The following DOCK1 variants were observed in gnomAD, a reference collection of about 807,000 sequenced individuals.
DOCK1 encodes the protein dedicator of cytokinesis protein 1.
In DOCK1, 138 loss-of-function variants were observed where a neutral mutation model predicts 262.7. The observed-to-expected ratio is 0.53, with a 90% CI of 0.46 to 0.61. The LOEUF is 0.61. Ranked by LOEUF, DOCK1 falls within the 20% of genes least tolerant of loss-of-function variation. The probability of loss-of-function intolerance (pLI) is 0.00; values close to 1 mark genes in which losing one functional copy is unlikely to be tolerated. For missense variants in DOCK1, 1,908 were observed against 2,370.7 expected, an observed-to-expected ratio of 0.80 and a Z score of 4.05; for synonymous variants, 866 against 867.4, an observed-to-expected ratio of 1.00 and a Z score of 0.03.
chr10:127,347,514 C>T (rs1309405971), intron 31 of DOCK1, among the ~76,000 whole-genome samples: 1 of 152,104 alleles, frequency 6.6e-6, no homozygotes, highest in Non-Finnish European at 1.5e-5. Context: ...GGGCATGGCG[C>T]CATCTACATA....
At chr10:127,289,467 TAGATTCTTTGCA>T (rs2061275738) in intron 29 of DOCK1, among the ~76,000 whole-genome samples, 1 of 152,182 alleles carries the variant, frequency 6.6e-6, no homozygotes, top group African/African-American at 2.4e-5. Flanking sequence ...GTCTTCATGA[TAGATTCTTTGCA>T]GTGGGTTGAT....
chr10:127,292,716 G>C (rs1042988948), intron 29 of DOCK1, among the ~76,000 whole-genome samples: 4 of 152,220 alleles, frequency 2.6e-5, no homozygotes, highest in African/African-American at 9.6e-5. Context: ...CTGCTTGTCA[G>C]GTATGCTGTT....
At chr10:126,934,732 A>G (rs1189675056) in intron 1 of DOCK1, among the ~76,000 whole-genome samples, 2 of 118,008 alleles carry the variant, frequency 1.7e-5, no homozygotes, top group African/African-American at 7.0e-5. Context: ...GTCACAGCCT[A>G]TTTGGAATTT....
intron 29 of DOCK1, among the ~76,000 whole-genome samples, chr10:127,292,845 G>A (rs746501219): frequency 6.6e-6 from 1 of 152,050 alleles, no homozygotes; most frequent in African/African-American, 2.4e-5. Flanking sequence ...CATTCAACCC[G>A]CCGAGAGCTG....
intron 27 of DOCK1, among the ~76,000 whole-genome samples, chr10:127,186,438 C>A (rs1341586694): frequency 6.9e-6 from 1 of 145,860 alleles, no homozygotes; most frequent in Non-Finnish European, 1.5e-5. Flanking sequence ...CTCCTTAACA[C>A]ATCCGATAGA....
intron 10 of DOCK1, chr10:127,007,688 G>A (rs1002974711): frequency 1.7e-4 from 26 of 152,240 alleles, no homozygotes; most frequent in African/African-American, 6.3e-4. Context: ...AAGGATATTA[G>A]CCTTTCTTGT....
rs75815590 is a variant in DOCK1 at position 127,322,496 on chromosome 10, A to G, written c.3045-16510A>G. The stretch of plus-strand genomic sequence containing the variant: ...GAGCCACTGCACCCAGCTGGCACAC[A>G]CATAATTTTCTAAACCAGGGGTTGA... On this transcript the variant is annotated intron_variant, in intron 29 of 51. Coordinates refer to ENST00000623213, the MANE Select transcript of DOCK1 (RefSeq NM_001290223.2). 3.1e-3 allele frequency among the ~76,000 whole-genome samples: 469 copies of G among 151,374 alleles called. 3 individuals are homozygous for G. Among genetic ancestry groups the G allele is most frequent in the African/African-American group, 0.011 (455 of 41,074 alleles).
intron 16 of DOCK1, among the ~76,000 whole-genome samples, chr10:127,030,964 C>T (rs1423161802): frequency 6.6e-6 from 1 of 152,132 alleles, no homozygotes; most frequent in Non-Finnish European, 1.5e-5. Flanking sequence ...GATATGGTCA[C>T]TTTGGAGGAG....
chr10:126,987,877 C>T (rs2039522268), intron 5 of DOCK1, among the ~76,000 whole-genome samples: 1 of 152,172 alleles, frequency 6.6e-6, no homozygotes, highest in Non-Finnish European at 1.5e-5. Flanking sequence ...TGTGTCTTTC[C>T]TTGCATTGGA....
intron 27 of DOCK1, among the ~76,000 whole-genome samples, chr10:127,165,530 C>G (rs1316239018): frequency 1.3e-5 from 2 of 152,214 alleles, no homozygotes; most frequent in East Asian, 3.9e-4. Flanking sequence ...TTTTTTCCCC[C>G]AGGATCTCAA....
At chr10:127,177,618 C>T (rs1254103802) in intron 27 of DOCK1, among the ~76,000 whole-genome samples, 2 of 152,202 alleles carry the variant, frequency 1.3e-5, no homozygotes, top group Middle Eastern at 3.2e-3. Context: ...GTGAGAGCTG[C>T]ACAGAAACAG....
At chr10:126,990,386 C>A in intron 5 of DOCK1, 69 bp from the exon 6 acceptor site, 1 of 1,451,128 alleles carries the variant, frequency 6.9e-7, no homozygotes, top group South Asian at 1.4e-5. Context: ...GAAGAGATAG[C>A]CATTCTCTAC....
chr10:127,024,367 G>T (rs1223982459), intron 14 of DOCK1, among the ~76,000 whole-genome samples: 1 of 152,196 alleles, frequency 6.6e-6, no homozygotes, highest in Admixed American at 6.5e-5. Context: ...CCTCACCCTA[G>T]ACCTATGGGA....
chr10:127,027,022 A>T (rs2042911918), intron 16 of DOCK1, among the ~76,000 whole-genome samples: 1 of 152,260 alleles, frequency 6.6e-6, no homozygotes, highest in Admixed American at 6.5e-5. Context: ...ACAGTAAGAT[A>T]TCACAGAAGG....
chr10:126,979,191 G>T (rs961979359), intron 3 of DOCK1, among the ~76,000 whole-genome samples: 8 of 152,292 alleles, frequency 5.3e-5, no homozygotes, highest in African/African-American at 1.9e-4. Flanking sequence ...TCCAAGGAAA[G>T]TTCTATTTTC....
chr10:127,393,051 G>A (rs763601306), intron 38 of DOCK1, among the ~76,000 whole-genome samples: 6 of 152,176 alleles, frequency 3.9e-5, no homozygotes, highest in East Asian at 1.9e-4. Context: ...AGAACTTACC[G>A]ACCTGACTGA....
chr10:127,444,542 G>A (rs1273488667), intron 50 of DOCK1, among the ~76,000 whole-genome samples: 1 of 152,132 alleles, frequency 6.6e-6, no homozygotes, highest in African/African-American at 2.4e-5. Flanking sequence ...ATGTGGAGGG[G>A]ACCTGTGAAG....
chr10:127,343,527 G>GTT (rs945216472), intron 30 of DOCK1, 119 bp from the exon 31 acceptor site: 20 of 765,000 alleles, frequency 2.6e-5, no homozygotes, highest in Admixed American at 1.3e-4. Context: ...GTGAGTGTGG[G>GTT]TTTTTTTTTT....
chr10:127,240,947 C>G (rs983535649), intron 27 of DOCK1, among the ~76,000 whole-genome samples: 19 of 152,076 alleles, frequency 1.2e-4, no homozygotes, highest in African/African-American at 2.9e-4. Flanking sequence ...TTGACTTGTC[C>G]TGAAAATCAC....
Sources: gnomAD v4.1 joint callset for allele counts (sites outside exome capture counted in the v4.1 genomes callset) on GRCh38, gnomAD v4.1.1 for gene constraint, MANE v1.5 for transcripts, NCBI Gene and HGNC (gene_info 2026-07-23, HGNC 2026-07-21) for gene names.